The following MYO5B variants were observed in gnomAD, a reference collection of about 807,000 sequenced individuals.
The protein encoded by MYO5B is unconventional myosin-Vb.
In MYO5B, 143 loss-of-function variants were observed where a neutral mutation model predicts 229.3. That is an observed-to-expected ratio of 0.62 (90% CI 0.54 to 0.72). MYO5B has a LOEUF of 0.72. Among genes scored for constraint, MYO5B ranks in the 30% least tolerant of loss-of-function variants. The probability of loss-of-function intolerance (pLI) is 0.00; values close to 1 mark genes in which losing one functional copy is unlikely to be tolerated. For missense variants in MYO5B, 2,321 were observed against 2,331.0 expected (o/e 1.00, Z 0.09); for synonymous variants, 918 against 885.2 (o/e 1.04, Z -0.66).
chr18:50,081,609 T>C (rs1048024453), intron 1 of MYO5B, among the ~76,000 whole-genome samples: 6 of 152,222 alleles, frequency 3.9e-5, no homozygotes, highest in Non-Finnish European at 2.9e-5. Flanking sequence ...CAGTGTTTTG[T>C]GTTTGGTTTT....
At chr18:49,878,883 G>C (rs2024555463) in intron 24 of MYO5B, 62 bp downstream of exon 24, 2 of 1,585,762 alleles carry the variant, frequency 1.3e-6, no homozygotes. Flanking sequence ...GAGATCACGT[G>C]GTCAGAAGCT....
At chr18:50,186,179 G>C (rs1322422972) in intron 1 of MYO5B, among the ~76,000 whole-genome samples, 1 of 152,220 alleles carries the variant, frequency 6.6e-6, no homozygotes, top group African/African-American at 2.4e-5. Context: ...CACGCTTCCA[G>C]CTCATCCCAA....
intron 1 of MYO5B, among the ~76,000 whole-genome samples, chr18:50,064,832 AAAC>A (rs1269280738): frequency 6.6e-6 from 1 of 152,224 alleles, no homozygotes; most frequent in Non-Finnish European, 1.5e-5. Flanking sequence ...TGACCTCTCT[AAAC>A]AACCAAAGCA....
intron 1 of MYO5B, among the ~76,000 whole-genome samples, chr18:50,144,407 T>A (rs928759095): frequency 6.6e-6 from 1 of 152,130 alleles, no homozygotes; most frequent in Admixed American, 6.6e-5. Context: ...CCTCCTTTTT[T>A]TGGTTTGAGC....
intron 1 of MYO5B, among the ~76,000 whole-genome samples, chr18:50,100,571 C>T (rs936860113): frequency 3.3e-5 from 5 of 152,192 alleles, no homozygotes; most frequent in Non-Finnish European, 7.3e-5. Flanking sequence ...TACTTCTCTC[C>T]TCTTTCCCCA....
chr18:50,081,183 A>C (rs556048027), intron 1 of MYO5B, among the ~76,000 whole-genome samples: 1 of 152,114 alleles, frequency 6.6e-6, no homozygotes. Flanking sequence ...GATTTAGGTC[A>C]ACCTCTTCAG....
In MYO5B at chr18:50,168,365, G is replaced by A. The variant is rs73959895; in HGVS notation, c.27+26402C>T. Among the ~76,000 whole-genome samples, 188 of 152,344 alleles carry A rather than the reference G, an allele frequency of 1.2e-3. 1 individual carries two copies. The highest frequency in any genetic ancestry group is 4.3e-3 in the African/African-American group (180 of 41,580). On this transcript the variant is annotated intron_variant, in intron 1 of 39. Transcript: ENST00000285039. ...AGGCCTGCAGTTCCAGAAGACTCAG[G>A]AAAGATAGTTCTGACACCTGGCATT...
intron 32 of MYO5B, among the ~76,000 whole-genome samples, chr18:49,847,690 C>T (rs1256031141): frequency 2.6e-5 from 4 of 152,226 alleles, no homozygotes; most frequent in African/African-American, 7.2e-5. Context: ...AAGGAGATAC[C>T]GTTTTTCTGG....
intron 1 of MYO5B, among the ~76,000 whole-genome samples, chr18:50,098,412 T>C (rs1200700398): frequency 1.3e-5 from 2 of 152,168 alleles, no homozygotes; most frequent in East Asian, 3.9e-4. Flanking sequence ...ATATTAGATG[T>C]CCTAAAGAGT....
At position 49,983,801 on chromosome 18, in the gene MYO5B, T is replaced by C. The variant is rs1233873023; in HGVS notation, c.946+917A>G. ...CCAGTTTCCCAGAGAACTGACTGGC[T>C]CTGGGAGCGTGGCAAATAAGGGTCT... On this transcript the variant is annotated intron_variant, in intron 8 of 39. Coordinates refer to ENST00000285039, the MANE Select transcript of MYO5B (RefSeq NM_001080467.3). Among the ~76,000 whole-genome samples, 3 of 152,194 alleles carry C rather than the reference T, an allele frequency of 2.0e-5. No homozygotes were observed. The East Asian group carries it at 5.8e-4, about 29-fold the overall frequency.
chr18:50,133,444 C>T (rs2032285152), intron 1 of MYO5B, among the ~76,000 whole-genome samples: 1 of 152,110 alleles, frequency 6.6e-6, no homozygotes, highest in Non-Finnish European at 1.5e-5. Context: ...AGAGTGAAAG[C>T]TCATATGGTG....
At chr18:50,145,369 C>T (rs1402229469) in intron 1 of MYO5B, among the ~76,000 whole-genome samples, 1 of 151,696 alleles carries the variant, frequency 6.6e-6, no homozygotes, top group Non-Finnish European at 1.5e-5. Flanking sequence ...CACCAATAGT[C>T]CCAGCTACTC....
chr18:50,184,718 T>C (rs1006454271), intron 1 of MYO5B, among the ~76,000 whole-genome samples: 1 of 152,118 alleles, frequency 6.6e-6, no homozygotes, highest in Admixed American at 6.6e-5. Context: ...ATCCTGAATA[T>C]TCTGGTTTCC....
chr18:50,012,895 G>T (rs1412867472), intron 4 of MYO5B, among the ~76,000 whole-genome samples: 3 of 152,208 alleles, frequency 2.0e-5, no homozygotes, highest in Non-Finnish European at 4.4e-5. Flanking sequence ...AGGAGAGGCT[G>T]CTTTGAAAAC....
chr18:50,112,210 T>C (rs1415742341), intron 1 of MYO5B, among the ~76,000 whole-genome samples: 1 of 151,934 alleles, frequency 6.6e-6, no homozygotes, highest in African/African-American at 2.4e-5. Context: ...AGGGAAAAAG[T>C]ATAGTAAAGA....
intron 1 of MYO5B, among the ~76,000 whole-genome samples, chr18:50,109,335 A>T (rs939859691): frequency 1.3e-5 from 2 of 152,298 alleles, no homozygotes; most frequent in South Asian, 2.1e-4. Context: ...AATTATGAGA[A>T]ATGCCCCCAG....
chr18:50,144,555 T>C (rs1774700448), intron 1 of MYO5B, among the ~76,000 whole-genome samples: 1 of 152,188 alleles, frequency 6.6e-6, no homozygotes, highest in African/African-American at 2.4e-5. Context: ...TTCTGGAAGA[T>C]GCTCTCCATG....
chr18:50,056,543 A>G (rs139315510), intron 1 of MYO5B, among the ~76,000 whole-genome samples: 447 of 152,280 alleles, frequency 2.9e-3, no homozygotes, highest in Non-Finnish European at 4.1e-3. Context: ...TGGCCATAGA[A>G]TATTATCAGG....
At chr18:50,042,744 G>A (rs557873018) in intron 2 of MYO5B, among the ~76,000 whole-genome samples, 13 of 152,244 alleles carry the variant, frequency 8.5e-5, no homozygotes, top group East Asian at 5.8e-4. Flanking sequence ...AGATGTCCCC[G>A]GACCTGAGAG....
Sources: gnomAD v4.1 joint callset for allele counts (sites outside exome capture counted in the v4.1 genomes callset) on GRCh38, gnomAD v4.1.1 for gene constraint, MANE v1.5 for transcripts, NCBI Gene and HGNC (gene_info 2026-07-23, HGNC 2026-07-21) for gene names.